Variants in DYNC2H1 observed in about 807,000 individuals in gnomAD.
DYNC2H1 encodes the protein dynein cytoplasmic 2 heavy chain 1.
In DYNC2H1, 410 loss-of-function variants were observed where a neutral mutation model predicts 570.0. The ratio of observed to expected loss-of-function variants is 0.72; its 90% confidence interval spans 0.66 to 0.78. DYNC2H1 has a LOEUF of 0.78. DYNC2H1 is among the 30% of genes least tolerant of loss of function. The pLI, the probability that DYNC2H1 is intolerant of heterozygous loss-of-function variation, is 0.00. For missense variants in DYNC2H1, 4,865 were observed against 5,046.4 expected, an observed-to-expected ratio of 0.96 and a Z score of 1.09; for synonymous variants, 1,688 against 1,677.6, an observed-to-expected ratio of 1.01 and a Z score of -0.15.
intron 87 of DYNC2H1, among the ~76,000 whole-genome samples, chr11:103,467,526 G>A (rs1209539344): frequency 3.1e-5 from 4 of 130,390 alleles, no homozygotes; most frequent in African/African-American, 1.2e-4. Context: ...GTTTTGTTTT[G>A]TTTTGTTTTG....
At chr11:103,323,589 G>T (rs967791965) in intron 81 of DYNC2H1, among the ~76,000 whole-genome samples, 11 of 151,852 alleles carry the variant, frequency 7.2e-5, no homozygotes, top group African/African-American at 2.7e-4. Flanking sequence ...CATCTAACAT[G>T]GTAGCTTACA....
rs968861546 is a variant in DYNC2H1, at chr11:103,157,552, G to A, written c.4127+782G>A. On this transcript the variant is annotated intron_variant, in intron 26 of 88. Coordinates refer to ENST00000375735, the MANE Select transcript of DYNC2H1 (RefSeq NM_001377.3). The surrounding 1 kb of genome is among the most constrained non-coding windows in gnomAD (Gnocchi z 4.2). ...CTTCCTCCACTTTTACATACATTAAGTTGCCAAATTTTGTTGATTCTAACC... is the reference window on the plus strand; with the variant it reads ...CTTCCTCCACTTTTACATACATTAAATTGCCAAATTTTGTTGATTCTAACC... 2.6e-5 allele frequency among the ~76,000 whole-genome samples: 4 copies of A among 152,150 alleles called. No homozygotes were observed. Among genetic ancestry groups the A allele is most frequent in the African/African-American group, 9.7e-5 (4 of 41,416 alleles).
chr11:103,282,668 A>G (rs1403260915), intron 72 of DYNC2H1, among the ~76,000 whole-genome samples: 1 of 151,968 alleles, frequency 6.6e-6, no homozygotes, highest in African/African-American at 2.4e-5. Context: ...CCAGCAGTAC[A>G]CCCAAAATAT....
At chr11:103,283,527 T>C (rs1866227870) in intron 73 of DYNC2H1, among the ~76,000 whole-genome samples, 1 of 152,184 alleles carries the variant, frequency 6.6e-6, no homozygotes, top group South Asian at 2.1e-4. Flanking sequence ...TGTTGTATCA[T>C]TATAACAGCA....
intron 59 of DYNC2H1, among the ~76,000 whole-genome samples, chr11:103,225,728 A>C (rs532145340): frequency 4.6e-5 from 7 of 151,984 alleles, no homozygotes; most frequent in South Asian, 2.1e-4. Flanking sequence ...TGCTTTGGCT[A>C]TGCAGGTTCT....
At chr11:103,400,891 T>C (rs1037781002) in intron 84 of DYNC2H1, among the ~76,000 whole-genome samples, 3 of 152,176 alleles carry the variant, frequency 2.0e-5, no homozygotes, top group African/African-American at 7.2e-5. Context: ...TTTTGCATTG[T>C]TTTTTCTTTG....
At chr11:103,389,123 A>C (rs1405474384) in intron 83 of DYNC2H1, among the ~76,000 whole-genome samples, 2 of 152,148 alleles carry the variant, frequency 1.3e-5, no homozygotes, top group African/African-American at 4.8e-5. Flanking sequence ...CTGTGAATCC[A>C]TCTGGTCCTG....
At position 103,326,364 on chromosome 11, in the gene DYNC2H1, C is replaced by CA. The variant is rs1938479043; in HGVS notation, c.12039+2375dup. Among the ~76,000 whole-genome samples, 1 of 152,148 alleles carries CA rather than the reference C, an allele frequency of 6.6e-6. No homozygotes were observed. Among genetic ancestry groups the CA allele is most frequent in the Non-Finnish European group, 1.5e-5 (1 of 68,026 alleles). ...TTCGGGGTGGTTGGGCTCCCTCTGA[C>CA]AGGCTGCATCCGGGAGATAGGCCGG... On this transcript the variant is annotated intron_variant, in intron 82 of 88. Transcript: ENST00000375735. This position sits in a 1 kb window ranked among gnomAD's most constrained non-coding sequence, Gnocchi z 6.1.
At position 103,321,045 on chromosome 11, in the gene DYNC2H1, A is replaced by G. The variant is rs769560873; in HGVS notation, c.11742A>G (p.Gln3914=). ...DRLFDGAKDV[Q]WEFVHGLLEN... is the part of the protein sequence containing the mutation. ...AAATTATAGGTGCCAAAGATGTACA[A>G]TGGGAATTTGTACATGGTTTACTTG... Residue 3914 remains glutamine (Q), a synonymous_variant, in exon 81 of 89, where the codon CAA becomes CAG. Coordinates refer to ENST00000375735, the MANE Select transcript of DYNC2H1 (RefSeq NM_001377.3). 3.9e-5 allele frequency: 63 copies of G among 1,610,190 alleles called. No individual in the cohort carries two copies. Among genetic ancestry groups the G allele is most frequent in the Non-Finnish European group, 5.1e-5 (60 of 1,178,438 alleles).
In DYNC2H1 at chr11:103,177,857, A is replaced by G. The variant is rs1281101662; in HGVS notation, c.6139+37A>G. On this transcript the variant is annotated intron_variant, in intron 38 of 88. Coordinates refer to ENST00000375735, the MANE Select transcript of DYNC2H1 (RefSeq NM_001377.3). This position sits in a 1 kb window ranked among gnomAD's most constrained non-coding sequence, Gnocchi z 4.4. ...TGTATACTTCTTTGCTTTACTTAGT[A>G]ATTCTTAGATAATGATATAATTTGT... The G allele has an allele frequency of 6.4e-7, 1 of 1,564,026 alleles. No homozygotes were observed. Among genetic ancestry groups the G allele is most frequent in the African/African-American group, 1.4e-5 (1 of 71,934 alleles).
At chr11:103,178,243 C>T (rs193222762) in intron 38 of DYNC2H1, among the ~76,000 whole-genome samples, 6 of 152,128 alleles carry the variant, frequency 3.9e-5, no homozygotes, top group African/African-American at 9.6e-5. Flanking sequence ...GGTAAAACTG[C>T]GGATTTCCTG....
In DYNC2H1 at chr11:103,304,705, G is replaced by A. The variant is rs1168177388; in HGVS notation, c.11367G>A (p.Leu3789=). The A allele has an allele frequency of 2.5e-6, 4 of 1,611,770 alleles. No homozygotes were observed. The Admixed American group carries it at 5.0e-5, about 20-fold the overall frequency. ...ACTTACATCTTGTGGTATCTTGGCT[G>A]CCAGTTCTGGAAAAGGTAGATTCAG... ...LKNLHLVVSW[L]PVLEKELNTL... The change falls in exon 77 of 89, where the codon CTG becomes CTA. Residue 3789 remains leucine (L), a synonymous_variant. Coordinates refer to ENST00000375735, the MANE Select transcript of DYNC2H1 (RefSeq NM_001377.3).
At chr11:103,271,855 A>T (rs2135309480) in intron 70 of DYNC2H1, among the ~76,000 whole-genome samples, 1 of 152,306 alleles carries the variant, frequency 6.6e-6, no homozygotes, top group African/African-American at 2.4e-5. Context: ...GAGAAATGCA[A>T]ATCAAAACCA....
intron 77 of DYNC2H1, among the ~76,000 whole-genome samples, chr11:103,306,402 AT>A (rs1867285684): frequency 6.6e-6 from 1 of 152,080 alleles, no homozygotes; most frequent in Non-Finnish European, 1.5e-5. Context: ...AAAATAACTG[AT>A]TATTATTTGC....
At chr11:103,379,366 G>A (rs1941543447) in intron 83 of DYNC2H1, among the ~76,000 whole-genome samples, 1 of 152,078 alleles carries the variant, frequency 6.6e-6, no homozygotes, top group Admixed American at 6.6e-5. Context: ...ATAAACCAGG[G>A]TAACTTTTAA....
chr11:103,345,282 GT>G (rs35941820), intron 82 of DYNC2H1, among the ~76,000 whole-genome samples: 5 of 148,674 alleles, frequency 3.4e-5, no homozygotes, highest in Non-Finnish European at 6.0e-5. Context: ...GGTTACTCCA[GT>G]TTTTTTTTTG....
chr11:103,116,838 T>C (rs1858424522), intron 5 of DYNC2H1, 124 bp downstream of exon 5: 3 of 756,042 alleles, frequency 4.0e-6, no homozygotes, highest in Non-Finnish European at 5.8e-6. Context: ...AAGCAAATCA[T>C]GTAGCATTAT....
chr11:103,400,091 AGTTTAT>A (rs1423309390), intron 84 of DYNC2H1, among the ~76,000 whole-genome samples: 2 of 152,214 alleles, frequency 1.3e-5, no homozygotes, highest in Non-Finnish European at 2.9e-5. Context: ...TTAGCATGTC[AGTTTAT>A]GTTAGCTATC....
Position 103,156,762 on chromosome 11 carries a change from A to C in DYNC2H1, c.4119A>C (p.Glu1373Asp), listed in dbSNP as rs766484895. The C allele has an allele frequency of 1.2e-6, 2 of 1,607,698 alleles. No homozygotes were observed. Among genetic ancestry groups the C allele is most frequent in the Non-Finnish European group, 1.7e-6 (2 of 1,178,564 alleles). Residue 1373 changes from glutamate (E) to aspartate (D), a missense_variant, in exon 26 of 89, where the codon GAA becomes GAC. Transcript: ENST00000375735. ...AGACACGCTTCAACAGAGTTGATGAAGATTTTAGGTCAGTACAATGATGTA... is the reference window on the plus strand; with the variant it reads ...AGACACGCTTCAACAGAGTTGATGACGATTTTAGGTCAGTACAATGATGTA... ...KEQTRFNRVD[E>D]DFRSIMTDIK... is the part of the protein sequence containing the mutation.
Sources: allele counts gnomAD v4.1 joint callset (sites outside exome capture counted in the v4.1 genomes callset), GRCh38; gene constraint gnomAD v4.1.1; non-coding constraint Gnocchi (gnomAD v3.1); transcripts MANE v1.5; gene names NCBI Gene and HGNC (gene_info 2026-07-23, HGNC 2026-07-21).